MROH1: variants seen among roughly 807,000 people sequenced by gnomAD.
MROH1 encodes maestro heat like repeat family member 1.
MROH1 carries 117 observed loss-of-function variants against 116.5 expected under a neutral mutation model. That is an observed-to-expected ratio of 1.00 (90% CI 0.86 to 1.17). MROH1 has a LOEUF of 1.17. Among genes scored for constraint, MROH1 ranks in the 50% most tolerant of loss-of-function variants. The pLI, the probability that MROH1 is intolerant of heterozygous loss-of-function variation, is 0.00. For synonymous variants in MROH1, 921 were observed against 583.9 expected, an observed-to-expected ratio of 1.58 and a Z score of -8.32; for missense variants, 1,873 against 1,338.5, an observed-to-expected ratio of 1.40 and a Z score of -6.23.
At chr8:144,169,719 T>C (rs2131042942) in intron 4 of MROH1, among the ~76,000 whole-genome samples, 1 of 150,582 alleles carries the variant, frequency 6.6e-6, no homozygotes. Context: ...CTCGGCTCAC[T>C]GCAACCTCCA....
chr8:144,254,697 T>C, intron 33 of MROH1, 116 bp from the exon 34 acceptor site: 1 of 623,084 alleles, frequency 1.6e-6, no homozygotes, highest in South Asian at 1.8e-5. Context: ...TGGCTGCAGC[T>C]GAGCCTGGTG....
intron 14 of MROH1, among the ~76,000 whole-genome samples, chr8:144,230,196 C>G (rs1419622110): frequency 6.6e-6 from 1 of 152,176 alleles, no homozygotes; most frequent in Non-Finnish European, 1.5e-5. Flanking sequence ...TCCAGCTTTT[C>G]TTTTGCAGCT....
Position 144,180,343 on chromosome 8 carries a change from A to G in MROH1, c.463+3A>G. 5 of 1,605,560 alleles carry G rather than the reference A, an allele frequency of 3.1e-6. No individual in the cohort carries two copies. Among genetic ancestry groups the G allele is most frequent in the Non-Finnish European group, 4.2e-6 (5 of 1,178,494 alleles). Reference sequence around the variant, plus strand: ...CGCCAGCCTCTCGGTGGCCAACGGTAGGTGACGCGCGGCCTGCCCCAGGAG... The same window carrying G: ...CGCCAGCCTCTCGGTGGCCAACGGTGGGTGACGCGCGGCCTGCCCCAGGAG... On this transcript the variant is annotated splice_donor_region_variant and intron_variant, in intron 6 of 43. Coordinates refer to ENST00000326134, the MANE Select transcript of MROH1 (RefSeq NM_032450.3). This position sits in a 1 kb window ranked among gnomAD's most constrained non-coding sequence, Gnocchi z 7.4.
intron 12 of MROH1, among the ~76,000 whole-genome samples, chr8:144,212,438 G>C (rs1834324259): frequency 6.6e-6 from 1 of 152,022 alleles, no homozygotes; most frequent in Non-Finnish European, 1.5e-5. Context: ...ATTACTTCTG[G>C]ATGGTTACTA....
At chr8:144,228,408 T>C (rs779623864) in intron 14 of MROH1, among the ~76,000 whole-genome samples, 2 of 152,222 alleles carry the variant, frequency 1.3e-5, no homozygotes, top group African/African-American at 2.4e-5. Flanking sequence ...CTTGCCTTGA[T>C]ATTGATAGCT....
intron 1 of MROH1, among the ~76,000 whole-genome samples, chr8:144,156,969 A>G (rs2130710437): frequency 6.7e-6 from 1 of 149,388 alleles, no homozygotes; most frequent in East Asian, 2.0e-4. Flanking sequence ...TAGTATTATT[A>G]TTTTTAGACA....
At chr8:144,161,458 G>A (rs963312596) in intron 2 of MROH1, among the ~76,000 whole-genome samples, 2 of 152,090 alleles carry the variant, frequency 1.3e-5, no homozygotes, top group South Asian at 2.1e-4. Context: ...GGTATCGGCC[G>A]GCACTCCCCG....
intron 12 of MROH1, among the ~76,000 whole-genome samples, chr8:144,215,638 G>A (rs1028864365): frequency 2.0e-5 from 3 of 152,090 alleles, no homozygotes; most frequent in Non-Finnish European, 4.4e-5. Flanking sequence ...TTGGGAGGCC[G>A]AGACCGGCAG....
chr8:144,236,896 C>CTT lies in MROH1; in HGVS notation c.1339-1834_1339-1833dup, dbSNP rs1164804321. 3.2e-3 allele frequency among the ~76,000 whole-genome samples: 225 copies of CTT among 69,326 alleles called. 52 individuals carry two copies. The highest frequency in any genetic ancestry group is 0.011 in the African/African-American group (183 of 16,960). The allele number at this position is 69,326 out of a possible 152,430, so 45.5% of individuals were successfully genotyped here. A position where few individuals can be genotyped will look rare whatever the true frequency, so the allele number is the denominator to read the frequency against. On this transcript the variant is annotated intron_variant, in intron 14 of 43. Transcript: ENST00000326134. ...TGTTGTGACAGAGCCTCTCCTATTC[C>CTT]TTTTTTTTTTTTTTTTTTTTTTTTT...
rs753929199 is a variant in MROH1 at position 144,191,733 on chromosome 8, G to A, written c.733G>A (p.Glu245Lys). 5 of 1,612,716 alleles carry A rather than the reference G, an allele frequency of 3.1e-6. 1 individual carries two copies. The South Asian group carries it at 5.5e-5, about 18-fold the overall frequency. The part of the protein sequence containing the change: ...REAKLRLAVV[E>K]ALGPMSHLLP... Reference sequence around the variant, plus strand: ...CTCTCAGCTCCGTCTTGCCGTGGTGGAGGCTCTGGGGCCTATGAGCCATCT... The same window carrying A: ...CTCTCAGCTCCGTCTTGCCGTGGTGAAGGCTCTGGGGCCTATGAGCCATCT... The change falls in exon 9 of 44, where the codon GAG becomes AAG. Residue 245 changes from glutamate (E) to lysine (K), a missense_variant. Transcript: ENST00000326134.
chr8:144,239,812 T>G, intron 18 of MROH1, 57 bp downstream of exon 18: 1 of 712,376 alleles, frequency 1.4e-6, no homozygotes, highest in South Asian at 1.5e-5. Context: ...GGTCTCAGAG[T>G]AGGAGGGTGC....
At chr8:144,200,585 C>G in intron 12 of MROH1, 44 bp downstream of exon 12, 1 of 1,363,278 alleles carries the variant, frequency 7.3e-7, no homozygotes, top group Non-Finnish European at 1.0e-6. Context: ...CTGGCCATGT[C>G]CAGGATGGAG....
intron 9 of MROH1, 78 bp downstream of exon 9, chr8:144,191,933 G>A (rs1449506891): frequency 1.6e-5 from 25 of 1,550,666 alleles, no homozygotes; most frequent in African/African-American, 2.7e-5. Flanking sequence ...GTGAGTCCTC[G>A]GCTAGGGCTC....
intron 12 of MROH1, chr8:144,213,329 T>C (rs1219746082): frequency 6.6e-6 from 3 of 455,644 alleles, no homozygotes; most frequent in African/African-American, 5.9e-5. Flanking sequence ...CATAGTTTAT[T>C]GTGCCTTTTA....
chr8:144,234,880 C>T (rs9720222), intron 14 of MROH1, among the ~76,000 whole-genome samples: 139,099 of 139,100 alleles, frequency 1, 69,549 homozygotes, highest in Non-Finnish European at 1. Context: ...AAACAATTAT[C>T]CTTTTTCTTT....
chr8:144,186,152 A>C, intron 7 of MROH1, among the ~76,000 whole-genome samples: 1 of 140,358 alleles, frequency 7.1e-6, no homozygotes, highest in African/African-American at 2.7e-5. Flanking sequence ...ACAGGGTCTC[A>C]CTCTGTCACC....
chr8:144,231,901 T>G (rs1336041584), intron 14 of MROH1, among the ~76,000 whole-genome samples: 1 of 152,234 alleles, frequency 6.6e-6, no homozygotes, highest in Non-Finnish European at 1.5e-5. Flanking sequence ...TTGTTTTTAT[T>G]GACACATGAT....
At chr8:144,228,162 G>A (rs1340273846) in intron 14 of MROH1, among the ~76,000 whole-genome samples, 1 of 152,060 alleles carries the variant, frequency 6.6e-6, no homozygotes, top group East Asian at 1.9e-4. Context: ...TTGAGCACAG[G>A]AGGCTGAAGC....
chr8:144,178,342 G>T (rs1824618319), intron 4 of MROH1, among the ~76,000 whole-genome samples: 1 of 152,016 alleles, frequency 6.6e-6, no homozygotes, highest in African/African-American at 2.4e-5. Flanking sequence ...ATATTGGCCA[G>T]GCTGGTCTCG....
Sources: allele counts gnomAD v4.1 joint callset (sites outside exome capture counted in the v4.1 genomes callset), GRCh38; gene constraint gnomAD v4.1.1; non-coding constraint Gnocchi (gnomAD v3.1); transcripts MANE v1.5; gene names NCBI Gene and HGNC (gene_info 2026-07-23, HGNC 2026-07-21).